CPAMD8: variants seen among roughly 807,000 people sequenced by gnomAD.
CPAMD8 encodes the protein C3 and PZP like alpha-2-macroglobulin domain containing 8.
CPAMD8 carries 146 observed loss-of-function variants against 224.7 expected under a neutral mutation model. That is an observed-to-expected ratio of 0.65 (90% CI 0.57 to 0.75). CPAMD8 has a LOEUF of 0.75. Among genes scored for constraint, CPAMD8 ranks in the 30% least tolerant of loss-of-function variants. The pLI is 0.00. For missense variants in CPAMD8, 2,301 were observed against 2,537.5 expected (o/e 0.91, Z 2.00); for synonymous variants, 966 against 1,044.6 (o/e 0.92, Z 1.45).
At chr19:17,020,267 C>T in intron 3 of CPAMD8, 64 bp downstream of exon 3, 13 of 1,281,416 alleles carry the variant, frequency 1.0e-5, no homozygotes, top group Non-Finnish European at 1.4e-5. Flanking sequence ...AGCCACCACG[C>T]CTGGCCCAAT....
At chr19:16,895,395 AAAC>A (rs1263120585) in intron 41 of CPAMD8, 3 of 160,372 alleles carry the variant, frequency 1.9e-5, no homozygotes, top group Non-Finnish European at 4.1e-5. Context: ...TGGATACACG[AAAC>A]AACACAGGTG....
intron 3 of CPAMD8, among the ~76,000 whole-genome samples, chr19:17,012,119 A>C (rs185408746): frequency 6.6e-6 from 1 of 152,142 alleles, no homozygotes; most frequent in Non-Finnish European, 1.5e-5. Flanking sequence ...TCCCAGCTCA[A>C]ATGATTCTCC....
intron 7 of CPAMD8, 43 bp downstream of exon 7, chr19:17,008,462 T>G (rs372881641): frequency 6.2e-7 from 1 of 1,609,454 alleles, no homozygotes; most frequent in Non-Finnish European, 8.5e-7. Flanking sequence ...CCTGGAAGGT[T>G]TATCACATCT....
chr19:16,940,943 G>A (rs2053868050), intron 22 of CPAMD8, among the ~76,000 whole-genome samples: 1 of 151,912 alleles, frequency 6.6e-6, no homozygotes, highest in African/African-American at 2.4e-5. Flanking sequence ...TTTGTTTTTT[G>A]TTTTTGAGAT....
rs2054528947 is a variant in CPAMD8 at position 16,958,006 on chromosome 19, A to G, written c.2214-91T>C. On this transcript the variant is annotated intron_variant, in intron 18 of 41. Coordinates refer to ENST00000443236, the MANE Select transcript of CPAMD8 (RefSeq NM_015692.5). ...AGCTTTGCATTCTATTTGATCAGAT[A>G]TAACGCGTTAATTTCTTTTACCTGG... 3.4e-6 allele frequency: 4 copies of G among 1,178,576 alleles called. No individual in the cohort carries two copies. The South Asian group carries it at 4.0e-5, about 12-fold the overall frequency. 73.0% of individuals were successfully genotyped at this position (1,178,576 alleles called of 1,614,324 possible).
chr19:16,919,725 C>T (rs2144880008), intron 27 of CPAMD8, among the ~76,000 whole-genome samples: 1 of 152,312 alleles, frequency 6.6e-6, no homozygotes, highest in Middle Eastern at 3.4e-3. Context: ...CCATGTGTTC[C>T]TTTTTCCCCC....
At position 16,897,821 on chromosome 19, in the gene CPAMD8, G is replaced by T. The variant is rs1280153717; in HGVS notation, c.4955-20C>A. 6.4e-7 allele frequency: 1 copy of T among 1,573,962 alleles called. No homozygotes were observed. Among genetic ancestry groups the T allele is most frequent in the South Asian group, 1.1e-5 (1 of 87,240 alleles). ...CGAAGGCTACGGGACGAGGGTGGCG[G>T]GTGACCAAGTGCAGGCGCGACGGGT... is the stretch of plus-strand genomic sequence containing the variant. On this transcript the variant is annotated intron_variant, in intron 38 of 41. Coordinates refer to ENST00000443236, the MANE Select transcript of CPAMD8 (RefSeq NM_015692.5).
At chr19:16,897,473 T>C in intron 39 of CPAMD8, 1 of 557,314 alleles carries the variant, frequency 1.8e-6, no homozygotes, top group Non-Finnish European at 3.1e-6. Flanking sequence ...CTTCCGCACT[T>C]ACCACTCCCC....
intron 3 of CPAMD8, among the ~76,000 whole-genome samples, chr19:17,017,785 T>G (rs932185649): frequency 1.3e-5 from 2 of 152,094 alleles, no homozygotes; most frequent in African/African-American, 4.8e-5. Flanking sequence ...ATCCCAACAC[T>G]TTGGGAGGGC....
chr19:16,949,707 G>T (rs2054237842), intron 20 of CPAMD8, among the ~76,000 whole-genome samples: 1 of 152,140 alleles, frequency 6.6e-6, no homozygotes, highest in African/African-American at 2.4e-5. Context: ...TCTGAGGCAG[G>T]ACCCAGGAAA....
At chr19:16,960,134 G>A (rs1471667156) in intron 18 of CPAMD8, among the ~76,000 whole-genome samples, 1 of 151,588 alleles carries the variant, frequency 6.6e-6, no homozygotes, top group African/African-American at 2.4e-5. Context: ...TTCCTAAGGA[G>A]TGCCTTCATG....
At position 16,942,429 on chromosome 19, in the gene CPAMD8, T is replaced by C. The variant is rs181212421; in HGVS notation, c.2793+3120A>G. On this transcript the variant is annotated intron_variant, in intron 22 of 41. Coordinates refer to ENST00000443236, the MANE Select transcript of CPAMD8 (RefSeq NM_015692.5). Reference sequence around the variant, plus strand: ...GTGAGCTGAGATTGCACCACTGCACTCCAGCCTGGGCGACAGAGTGAGACT... The same window carrying C: ...GTGAGCTGAGATTGCACCACTGCACCCCAGCCTGGGCGACAGAGTGAGACT... 2.0e-5 allele frequency among the ~76,000 whole-genome samples: 3 copies of C among 152,196 alleles called. No homozygotes were observed. In the East Asian group the frequency reaches 5.8e-4, roughly 29 times the overall value.
chr19:17,021,457 G>A (rs548784772), intron 2 of CPAMD8, among the ~76,000 whole-genome samples: 1 of 152,206 alleles, frequency 6.6e-6, no homozygotes, highest in Non-Finnish European at 1.5e-5. Flanking sequence ...TGTGTCTCCT[G>A]TGGCTACATC....
At chr19:16,974,695 A>C (rs953113978) in intron 17 of CPAMD8, among the ~76,000 whole-genome samples, 11 of 152,156 alleles carry the variant, frequency 7.2e-5, no homozygotes, top group Non-Finnish European at 1.5e-4. Context: ...GGCTGGGTGC[A>C]ATGGCTCATG....
At chr19:17,011,225 C>G (rs527778687) in intron 5 of CPAMD8, among the ~76,000 whole-genome samples, 4 of 152,162 alleles carry the variant, frequency 2.6e-5, no homozygotes, top group Non-Finnish European at 5.9e-5. Flanking sequence ...AAGCAACAGT[C>G]CAGGGCTACC....
At chr19:17,007,104 C>T (rs1391508756) in intron 7 of CPAMD8, among the ~76,000 whole-genome samples, 3 of 151,940 alleles carry the variant, frequency 2.0e-5, no homozygotes, top group South Asian at 2.1e-4. Flanking sequence ...GAGGCCGAGG[C>T]GGGCGGATCA....
intron 5 of CPAMD8, among the ~76,000 whole-genome samples, chr19:17,011,109 AC>A (rs2056634826): frequency 6.6e-6 from 1 of 151,946 alleles, no homozygotes; most frequent in Non-Finnish European, 1.5e-5. Context: ...CAAGAGAATC[AC>A]TTAGAACCCA....
chr19:16,907,356 C>T (rs1237642062), intron 29 of CPAMD8: 3 of 339,656 alleles, frequency 8.8e-6, no homozygotes, highest in Non-Finnish European at 9.5e-6. Context: ...CAATGTAATC[C>T]CAGCACTTTG....
intron 29 of CPAMD8, among the ~76,000 whole-genome samples, chr19:16,913,132 G>A (rs1284096345): frequency 6.6e-6 from 1 of 152,146 alleles, no homozygotes; most frequent in African/African-American, 2.4e-5. Context: ...AACTCGAGTG[G>A]GGGCCAAGGG....
Sources: gnomAD v4.1 joint callset for allele counts (sites outside exome capture counted in the v4.1 genomes callset) on GRCh38, gnomAD v4.1.1 for gene constraint, MANE v1.5 for transcripts, NCBI Gene and HGNC (gene_info 2026-07-23, HGNC 2026-07-21) for gene names.